Variants in CHRNA1 observed in about 807,000 individuals in gnomAD.
CHRNA1 encodes the protein cholinergic receptor nicotinic alpha 1 subunit, also known as acetylcholine receptor subunit alpha.
A neutral mutation model predicts 47.1 loss-of-function variants in CHRNA1; 35 were observed. That is an observed-to-expected ratio of 0.74 (90% confidence interval 0.57 to 0.99). The LOEUF (loss-of-function observed/expected upper bound fraction) is 0.99. CHRNA1 is among the 50% of genes least tolerant of loss of function. The probability of loss-of-function intolerance (pLI) is 0.00; values close to 1 mark genes in which losing one functional copy is unlikely to be tolerated. For missense variants in CHRNA1, 506 were observed against 591.1 expected (o/e 0.86, Z 1.49); for synonymous variants, 229 against 223.6 (o/e 1.02, Z -0.22).
intron 6 of CHRNA1, among the ~76,000 whole-genome samples, chr2:174,751,276 G>A (rs991094311): frequency 2.0e-5 from 3 of 152,182 alleles, no homozygotes; most frequent in Admixed American, 6.5e-5. Context: ...ATGGCACTGA[G>A]GTAGTTTTGT....
chr2:174,756,036 CAAA>C (rs11357910), intron 4 of CHRNA1, among the ~76,000 whole-genome samples: 686 of 140,720 alleles, frequency 4.9e-3, no homozygotes, highest in Non-Finnish European at 5.6e-3. Flanking sequence ...GACCTTGTCT[CAAA>C]AAAAAAAAAA....
At chr2:174,763,304 G>A (rs778993572) in intron 1 of CHRNA1, among the ~76,000 whole-genome samples, 6 of 137,684 alleles carry the variant, frequency 4.4e-5, no homozygotes, top group Admixed American at 7.8e-5. Flanking sequence ...GTGGTTTTGC[G>A]TGCACGCATG....
At position 174,761,622 on chromosome 2, in the gene CHRNA1, C is replaced by T. The variant is rs147532887; in HGVS notation, c.44-1989G>A. On this transcript the variant is annotated intron_variant, in intron 1 of 8. Coordinates refer to ENST00000348749, the MANE Select transcript of CHRNA1 (RefSeq NM_000079.4). The stretch of plus-strand genomic sequence containing the variant: ...GAGCCACCTCACCCGGCTAGTTTCA[C>T]ACGTTTTCTGAACCCAAAATGTTCC... 5.6e-3 allele frequency among the ~76,000 whole-genome samples: 853 copies of T among 152,288 alleles called. 3 individuals are homozygous for T. Among genetic ancestry groups the T allele is most frequent in the South Asian group, 0.011 (54 of 4,818 alleles).
intron 1 of CHRNA1, among the ~76,000 whole-genome samples, chr2:174,762,622 TAAGA>T (rs1467324339): frequency 7.9e-5 from 12 of 152,176 alleles, no homozygotes; most frequent in African/African-American, 2.9e-4. Context: ...TGATATGCCG[TAAGA>T]AAGACGGCAA....
At chr2:174,761,410 C>T (rs1684097813) in intron 1 of CHRNA1, among the ~76,000 whole-genome samples, 4 of 152,146 alleles carry the variant, frequency 2.6e-5, no homozygotes, top group Non-Finnish European at 5.9e-5. Context: ...CCTCCCCCAA[C>T]CAAGCAGCTG....
chr2:174,764,263 C>T, intron 1 of CHRNA1, 89 bp downstream of exon 1: 2 of 1,369,902 alleles, frequency 1.5e-6, no homozygotes, highest in South Asian at 1.2e-5. Flanking sequence ...TCTGTGGTCT[C>T]ATCAAAGAAG....
At chr2:174,758,671 T>C (rs1273346381) in intron 3 of CHRNA1, among the ~76,000 whole-genome samples, 6 of 152,166 alleles carry the variant, frequency 3.9e-5, no homozygotes, top group African/African-American at 1.4e-4. Context: ...TATGTGCCCA[T>C]TGCAGTAAAG....
At chr2:174,757,991 G>C (rs1454286002) in intron 3 of CHRNA1, 1 of 1,612,860 alleles carries the variant, frequency 6.2e-7, no homozygotes, top group Non-Finnish European at 8.5e-7. Context: ...AAGTCACGCA[G>C]CTGGGGCGTG....
Position 174,748,210 on chromosome 2 carries a change from G to T in CHRNA1, c.1288C>A (p.Leu430Ile), listed in dbSNP as rs759664482. 1.2e-6 allele frequency: 2 copies of T among 1,614,062 alleles called. No homozygotes were observed. The highest frequency in any genetic ancestry group is 2.7e-5 in the African/African-American group (2 of 74,914). The change falls in exon 9 of 9, where the codon CTC becomes ATC. Residue 430 changes from leucine (L) to isoleucine (I), a missense_variant. Coordinates refer to ENST00000348749, the MANE Select transcript of CHRNA1 (RefSeq NM_000079.4). Reference sequence around the variant, plus strand: ...CAAACAAGCATGAAGACTCCGAGGAGTATGTGGTCCATCACCATTGCAACG... The same window carrying T: ...CAAACAAGCATGAAGACTCCGAGGATTATGTGGTCCATCACCATTGCAACG... ...KYVAMVMDHI[L>I]LGVFMLVCII...
chr2:174,752,024 T>C (rs1246304804), intron 6 of CHRNA1, among the ~76,000 whole-genome samples: 1 of 152,044 alleles, frequency 6.6e-6, no homozygotes, highest in African/African-American at 2.4e-5. Flanking sequence ...TTATAGAGAC[T>C]CTTGTTAGTT....
At position 174,748,985 on chromosome 2, in the gene CHRNA1, C is replaced by G. The variant is rs368219204; in HGVS notation, c.1003-166G>C. On this transcript the variant is annotated intron_variant, in intron 7 of 8. Transcript: ENST00000348749. ...AACTATACTAGATTTTTTCAAAGAT[C>G]CCTCTGTATCCCGGGTCCTGTGAAA... Among the ~76,000 whole-genome samples, 50 of 152,222 alleles carry G rather than the reference C, an allele frequency of 3.3e-4. 2 individuals carry two copies. The East Asian group carries it at 4.8e-3, about 15-fold the overall frequency.
rs777401754 is a variant in CHRNA1, at chr2:174,753,704, T to C, written c.577A>G (p.Ser193Gly). 4 of 1,613,952 alleles carry C rather than the reference T, an allele frequency of 2.5e-6. No homozygotes were observed. Among genetic ancestry groups the C allele is most frequent in the Non-Finnish European group, 3.4e-6 (4 of 1,179,970 alleles). The change falls in exon 6 of 9, where the codon AGC becomes GGC. Residue 193 changes from serine (S) to glycine (G), a missense_variant. Physicochemically the swap from Ser to Gly is moderately conservative, Grantham distance 56 (BLOSUM62 0). Transcript: ENST00000348749. ...GACTCCTTGATCACCCACTCCCCGCTCTCCATGAAGTTGCTCAGGTCTGGC... is the reference window on the plus strand; with the variant it reads ...GACTCCTTGATCACCCACTCCCCGCCCTCCATGAAGTTGCTCAGGTCTGGC... ...DQPDLSNFME[S>G]GEWVIKESRG...
intron 1 of CHRNA1, among the ~76,000 whole-genome samples, chr2:174,761,425 C>G (rs1444706584): frequency 6.6e-6 from 1 of 152,082 alleles, no homozygotes; most frequent in East Asian, 1.9e-4. Flanking sequence ...CAGCTGGGAC[C>G]ACATCTCTAT....
rs1684010181 is a variant in CHRNA1, at chr2:174,757,681, A to G, written c.235-6T>C. 6.2e-7 allele frequency: 1 copy of G among 1,611,272 alleles called. No individual in the cohort carries two copies. The highest frequency in any genetic ancestry group is 8.5e-7 in the Non-Finnish European group (1 of 1,177,396). On this transcript the variant is annotated splice_polypyrimidine_tract_variant and splice_region_variant and intron_variant, in intron 3 of 8. Coordinates refer to ENST00000348749, the MANE Select transcript of CHRNA1 (RefSeq NM_000079.4). ...AGGTTGTAATCCACCCATTGCTAGA[A>G]ACAAAGACATACAGCTAATTAAAAA...
At chr2:174,753,903 A>G (rs950898048) in intron 5 of CHRNA1, among the ~76,000 whole-genome samples, 163 bp from the exon 6 acceptor site, 1 of 152,196 alleles carries the variant, frequency 6.6e-6, no homozygotes, top group Non-Finnish European at 1.5e-5. Context: ...TGCCTTTCCT[A>G]TGACATAAGG....
chr2:174,752,885 C>CAGATGGGT (rs879810477), intron 6 of CHRNA1: 1 of 157,020 alleles, frequency 6.4e-6, no homozygotes, highest in Non-Finnish European at 1.4e-5. Flanking sequence ...TGCTGGCAGG[C>CAGATGGGT]AGATGGGTAC....
At chr2:174,750,431 C>G (rs1683826472) in intron 6 of CHRNA1, among the ~76,000 whole-genome samples, 1 of 152,082 alleles carries the variant, frequency 6.6e-6, no homozygotes, top group Non-Finnish European at 1.5e-5. Context: ...CCATGGGACA[C>G]AGGAAGAAGA....
chr2:174,747,658 C>G lies in CHRNA1; in HGVS notation c.*466G>C, dbSNP rs544906046. ...GCTTCCTCTCTCTCCAAATCAAATGCCTTATCTCTTTAGGACTGGTAGATG... is the reference window on the plus strand; with the variant it reads ...GCTTCCTCTCTCTCCAAATCAAATGGCTTATCTCTTTAGGACTGGTAGATG... On this transcript the variant is annotated 3_prime_UTR_variant, in exon 9 of 9. Coordinates refer to ENST00000348749, the MANE Select transcript of CHRNA1 (RefSeq NM_000079.4). The G allele has an allele frequency of 4.0e-5, 7 of 173,402 alleles. No homozygotes were observed. Among genetic ancestry groups the G allele is most frequent in the South Asian group, 1.3e-4 (1 of 7,514 alleles). The allele number at this position is 173,402 out of a possible 1,614,324, so 10.7% of individuals were successfully genotyped here. A position where few individuals can be genotyped will look rare whatever the true frequency, so the allele number is the denominator to read the frequency against.
At chr2:174,759,407 G>C in intron 2 of CHRNA1, 32 bp from the exon 3 acceptor site, 1 of 1,613,948 alleles carries the variant, frequency 6.2e-7, no homozygotes, top group Non-Finnish European at 8.5e-7. Flanking sequence ...ATTTTTATGG[G>C]GGAGAGAGGG....
Sources: gnomAD v4.1 joint callset for allele counts (sites outside exome capture counted in the v4.1 genomes callset) on GRCh38, gnomAD v4.1.1 for gene constraint, MANE v1.5 for transcripts, NCBI Gene and HGNC (gene_info 2026-07-23, HGNC 2026-07-21) for gene names.